IFTAP: variants seen among roughly 807,000 people sequenced by gnomAD.
IFTAP encodes the protein intraflagellar transport associated protein.
In IFTAP, 19 loss-of-function variants were observed where a neutral mutation model predicts 19.4. The ratio of observed to expected loss-of-function variants is 0.98; its 90% CI spans 0.68 to 1.44. The LOEUF (loss-of-function observed/expected upper bound fraction) is 1.44. Ranked by LOEUF, IFTAP falls within the 40% of genes most tolerant of loss-of-function variation. IFTAP has a pLI of 0.00. For missense variants in IFTAP, 240 were observed against 253.6 expected (o/e 0.95, Z 0.36); for synonymous variants, 85 against 83.5 (o/e 1.02, Z -0.10).
At chr11:36,639,348 C>G (rs1853101569) in intron 4 of IFTAP, among the ~76,000 whole-genome samples, 1 of 151,760 alleles carries the variant, frequency 6.6e-6, no homozygotes, top group Non-Finnish European at 1.5e-5. Flanking sequence ...ATTGTATTGA[C>G]TGAGAATGGG....
chr11:36,652,671 A>C (rs1409788139), intron 5 of IFTAP, among the ~76,000 whole-genome samples: 2 of 152,152 alleles, frequency 1.3e-5, no homozygotes, highest in Non-Finnish European at 2.9e-5. Context: ...CCCACTCAGT[A>C]TGATATTGGC....
At chr11:36,634,017 A>G (rs1358749165) in intron 3 of IFTAP, among the ~76,000 whole-genome samples, 1 of 152,122 alleles carries the variant, frequency 6.6e-6, no homozygotes, top group Non-Finnish European at 1.5e-5. Context: ...TCCTTGCAAT[A>G]TTGTGGACAG....
At chr11:36,652,587 A>T (rs545388118) in intron 5 of IFTAP, among the ~76,000 whole-genome samples, 1 of 152,212 alleles carries the variant, frequency 6.6e-6, no homozygotes, top group South Asian at 2.1e-4. Flanking sequence ...TTCCAACACT[A>T]TGTTGAATAG....
At chr11:36,632,758 A>G (rs1054584255) in intron 2 of IFTAP, among the ~76,000 whole-genome samples, 1 of 151,330 alleles carries the variant, frequency 6.6e-6, no homozygotes, top group African/African-American at 2.5e-5. Flanking sequence ...ACTGCTGGCA[A>G]GTTGAGTTAT....
At chr11:36,624,840 AGG>A (rs386752506) in intron 2 of IFTAP, among the ~76,000 whole-genome samples, 17,195 of 152,096 alleles carry the variant, frequency 0.11, 1,131 homozygotes, top group African/African-American at 0.17. Context: ...TTGTGGAGCA[AGG>A]TCATATTATC....
rs749858622 is a variant in IFTAP at position 36,610,055 on chromosome 11, C to T, written c.-23-26C>T. ...AGGGGCTGGTATTGCCTGATTCTCT[C>T]TAGCTGGTATTTTTCTGTCTTGCAG... On this transcript the variant is annotated intron_variant, in intron 1 of 5. Transcript: ENST00000334307. 5.0e-6 allele frequency: 8 copies of T among 1,597,380 alleles called. No individual in the cohort carries two copies. In the Admixed American group the frequency reaches 6.9e-5, roughly 14 times the overall value.
intron 5 of IFTAP, among the ~76,000 whole-genome samples, chr11:36,649,086 G>C (rs929478888): frequency 6.6e-6 from 1 of 151,934 alleles, no homozygotes; most frequent in African/African-American, 2.4e-5. Flanking sequence ...AGTTGTTAAG[G>C]GCTCTTTATT....
intron 2 of IFTAP, among the ~76,000 whole-genome samples, chr11:36,610,774 A>G (rs1851851250): frequency 6.6e-6 from 1 of 152,112 alleles, no homozygotes; most frequent in African/African-American, 2.4e-5. Context: ...CTAATACATA[A>G]TAAGTACTTA....
At chr11:36,628,931 C>T (rs1178023469) in intron 2 of IFTAP, among the ~76,000 whole-genome samples, 3 of 151,248 alleles carry the variant, frequency 2.0e-5, no homozygotes, top group Admixed American at 6.6e-5. Context: ...TAATCCTCTC[C>T]TCCCTGTGCC....
At chr11:36,630,664 T>TAG (rs2133445310) in intron 2 of IFTAP, among the ~76,000 whole-genome samples, 1 of 151,544 alleles carries the variant, frequency 6.6e-6, no homozygotes, top group Admixed American at 6.5e-5. Flanking sequence ...CTCGTCCTTG[T>TAG]AGAACATCTT....
At chr11:36,644,837 C>T (rs1856519173) in intron 4 of IFTAP, among the ~76,000 whole-genome samples, 2 of 114,552 alleles carry the variant, frequency 1.7e-5, no homozygotes, top group African/African-American at 7.1e-5. Context: ...ACATCACACA[C>T]TGGGGTCTGT....
chr11:36,633,357 T>C lies in IFTAP; in HGVS notation c.210T>C (p.Thr70=). Residue 70 remains threonine (T), a synonymous_variant, in exon 3 of 6, where the codon ACT becomes ACC. Transcript: ENST00000334307. The part of the protein sequence containing the change: ...SENIFTSAKV[T]HKNEADDYHL... ...ACATTTTTACCTCAGCAAAAGTTACTCATAAAAATGAAGCAGATGACTACC... is the reference window on the plus strand; with the variant it reads ...ACATTTTTACCTCAGCAAAAGTTACCCATAAAAATGAAGCAGATGACTACC... 1 of 1,604,238 alleles carries C rather than the reference T, an allele frequency of 6.2e-7. No individual in the cohort carries two copies. The highest frequency in any genetic ancestry group is 8.5e-7 in the Non-Finnish European group (1 of 1,175,596).
At chr11:36,643,495 T>C (rs1853324919) in intron 4 of IFTAP, among the ~76,000 whole-genome samples, 1 of 152,176 alleles carries the variant, frequency 6.6e-6, no homozygotes, top group Admixed American at 6.5e-5. Flanking sequence ...TTGGAAAAAC[T>C]ACTTTAAAGT....
chr11:36,621,809 AGG>A (rs1310637750), intron 2 of IFTAP, among the ~76,000 whole-genome samples: 3 of 152,028 alleles, frequency 2.0e-5, no homozygotes, highest in African/African-American at 7.2e-5. Flanking sequence ...CTGCTTATAA[AGG>A]ATGGTGTGAT....
intron 1 of IFTAP, among the ~76,000 whole-genome samples, chr11:36,602,002 TTATATA>T (rs1324929507): frequency 2.0e-5 from 3 of 152,228 alleles, no homozygotes; most frequent in South Asian, 4.1e-4. Flanking sequence ...CAAAAAGAAA[TTATATA>T]TATATGTGCA....
At chr11:36,607,752 C>T (rs778481562) in intron 1 of IFTAP, among the ~76,000 whole-genome samples, 2 of 152,122 alleles carry the variant, frequency 1.3e-5, no homozygotes, top group Non-Finnish European at 2.9e-5. Context: ...GGGCTCATCG[C>T]AACCTCTGCC....
intron 2 of IFTAP, among the ~76,000 whole-genome samples, chr11:36,619,074 G>C (rs752737146): frequency 2.0e-5 from 3 of 152,002 alleles, no homozygotes; most frequent in Non-Finnish European, 4.4e-5. Flanking sequence ...CAGAGGCCAA[G>C]TGACTTCTTC....
At chr11:36,643,672 A>G (rs1324390374) in intron 4 of IFTAP, among the ~76,000 whole-genome samples, 1 of 152,228 alleles carries the variant, frequency 6.6e-6, no homozygotes, top group Non-Finnish European at 1.5e-5. Context: ...GGAAAAGAAC[A>G]GAGCCCTCAG....
intron 2 of IFTAP, among the ~76,000 whole-genome samples, chr11:36,619,054 C>T (rs1481069186): frequency 1.3e-5 from 2 of 151,998 alleles, no homozygotes; most frequent in Non-Finnish European, 2.9e-5. Flanking sequence ...CTGGGAGATA[C>T]TGAGGCCCAC....
Sources: gnomAD v4.1 joint callset for allele counts (sites outside exome capture counted in the v4.1 genomes callset) on GRCh38, gnomAD v4.1.1 for gene constraint, MANE v1.5 for transcripts, NCBI Gene and HGNC (gene_info 2026-07-23, HGNC 2026-07-21) for gene names.